PLXDC2: variants seen among roughly 807,000 people sequenced by gnomAD.
The protein encoded by PLXDC2 is plexin domain containing 2.
A neutral mutation model predicts 68.9 loss-of-function variants in PLXDC2; 40 were observed. That is an observed-to-expected ratio of 0.58 (90% confidence interval 0.45 to 0.76). The LOEUF is 0.76. Ranked by LOEUF, PLXDC2 falls within the 30% of genes least tolerant of loss-of-function variation. PLXDC2 has a pLI of 0.00. For missense variants in PLXDC2, 644 were observed against 661.9 expected, an observed-to-expected ratio of 0.97 and a Z score of 0.30; for synonymous variants, 243 against 234.2, an observed-to-expected ratio of 1.04 and a Z score of -0.34.
At chr10:19,955,384 C>G (rs1834053333) in intron 1 of PLXDC2, among the ~76,000 whole-genome samples, 2 of 151,710 alleles carry the variant, frequency 1.3e-5, no homozygotes, top group Admixed American at 6.6e-5. Flanking sequence ...AAAATGACAT[C>G]CCCCAACCCA....
chr10:20,065,701 G>T (rs988587282), intron 3 of PLXDC2, among the ~76,000 whole-genome samples: 3 of 152,192 alleles, frequency 2.0e-5, no homozygotes, highest in African/African-American at 7.2e-5. Context: ...TCAGGAATCA[G>T]ATCTCATAAG....
chr10:19,842,623 C>G (rs1045319645), intron 1 of PLXDC2, among the ~76,000 whole-genome samples: 7 of 152,172 alleles, frequency 4.6e-5, no homozygotes, highest in Non-Finnish European at 1.0e-4. Context: ...CTGACTTCAA[C>G]TCATAGGCCA....
chr10:19,832,796 G>A (rs1273775169), intron 1 of PLXDC2, among the ~76,000 whole-genome samples: 3 of 152,222 alleles, frequency 2.0e-5, no homozygotes, highest in Non-Finnish European at 4.4e-5. Context: ...GTCCCGCGGA[G>A]GTGTGTGTGG....
chr10:20,197,946 T>C lies in PLXDC2; in HGVS notation c.1062-13723T>C, dbSNP rs1834864120. Among the ~76,000 whole-genome samples, 3 of 152,228 alleles carry C rather than the reference T, an allele frequency of 2.0e-5. No homozygotes were observed. In the South Asian group the frequency reaches 6.2e-4, roughly 31 times the overall value. On this transcript the variant is annotated intron_variant, in intron 9 of 13. Transcript: ENST00000377252. ...ATTTTCCTAATAATATTGGAAAAAC[T>C]AGCCTGATCTTAAATGTTAATAGCT...
intron 1 of PLXDC2, among the ~76,000 whole-genome samples, chr10:19,914,587 G>C (rs11011669): frequency 0.11 from 16,944 of 152,162 alleles, 1,330 homozygotes; most frequent in East Asian, 0.28. Context: ...AGCATTTATA[G>C]CATAGTAAAG....
chr10:20,237,676 C>G (rs1835452086), intron 12 of PLXDC2, among the ~76,000 whole-genome samples: 1 of 152,172 alleles, frequency 6.6e-6, no homozygotes, highest in African/African-American at 2.4e-5. Flanking sequence ...AAGTGGAACA[C>G]TAACATTTTC....
chr10:19,919,218 C>T (rs1001407143), intron 1 of PLXDC2, among the ~76,000 whole-genome samples: 2 of 152,206 alleles, frequency 1.3e-5, no homozygotes, highest in African/African-American at 4.8e-5. Flanking sequence ...TACAGTATGT[C>T]ATATTCTTAT....
intron 4 of PLXDC2, among the ~76,000 whole-genome samples, chr10:20,114,320 G>A (rs1833595663): frequency 6.6e-6 from 1 of 152,154 alleles, no homozygotes. Context: ...TCCGGAGAAG[G>A]CTTTTCTCTC....
intron 7 of PLXDC2, 98 bp downstream of exon 7, chr10:20,164,665 T>C: frequency 2.3e-6 from 2 of 868,132 alleles, no homozygotes; most frequent in Non-Finnish European, 3.8e-6. Flanking sequence ...AAAAAAAAAA[T>C]AGCTAATCGA....
chr10:20,272,691 G>C (rs117342395), intron 13 of PLXDC2, among the ~76,000 whole-genome samples: 4,603 of 152,230 alleles, frequency 0.03, 102 homozygotes, highest in Middle Eastern at 0.054. Context: ...AATAAAATTG[G>C]CTTGTTATTA....
At chr10:19,945,161 G>T (rs2131401398) in intron 1 of PLXDC2, among the ~76,000 whole-genome samples, 1 of 152,292 alleles carries the variant, frequency 6.6e-6, no homozygotes, top group East Asian at 1.9e-4. Context: ...TAAAGAGTCA[G>T]CTTTATGCCA....
At chr10:19,905,740 C>A (rs1364739161) in intron 1 of PLXDC2, among the ~76,000 whole-genome samples, 1 of 152,128 alleles carries the variant, frequency 6.6e-6, no homozygotes, top group Non-Finnish European at 1.5e-5. Flanking sequence ...GCAAAAGGTA[C>A]CCTGAAGTTA....
intron 4 of PLXDC2, among the ~76,000 whole-genome samples, chr10:20,098,058 A>C (rs1833374633): frequency 6.6e-6 from 1 of 151,822 alleles, no homozygotes; most frequent in Non-Finnish European, 1.5e-5. Context: ...CTCTCCTATC[A>C]GTTTTATTGT....
In PLXDC2 at chr10:19,915,148, C is replaced by A. The variant is rs145533811; in HGVS notation, c.113-86627C>A. On this transcript the variant is annotated intron_variant, in intron 1 of 13. Coordinates refer to ENST00000377252, the MANE Select transcript of PLXDC2 (RefSeq NM_032812.9). ...ATTGGTAATTTGTTAAGGCTCAACT[C>A]TGCCATTTTAATATTTGTTTTCTGT... Among the ~76,000 whole-genome samples the A allele has an allele frequency of 4.7e-3, 720 of 152,180 alleles. 3 individuals carry two copies. The highest frequency in any genetic ancestry group is 6.5e-3 in the Admixed American group (100 of 15,276).
chr10:20,276,234 A>C (rs1418828573), intron 13 of PLXDC2, among the ~76,000 whole-genome samples: 2 of 152,156 alleles, frequency 1.3e-5, no homozygotes, highest in Non-Finnish European at 2.9e-5. Flanking sequence ...TCAAGGGCTC[A>C]TCTAACCCAA....
At chr10:20,182,760 T>A (rs1834624415) in intron 9 of PLXDC2, among the ~76,000 whole-genome samples, 1 of 151,968 alleles carries the variant, frequency 6.6e-6, no homozygotes, top group Non-Finnish European at 1.5e-5. Flanking sequence ...ACATGTGCCA[T>A]GGTGGTTTGC....
intron 1 of PLXDC2, among the ~76,000 whole-genome samples, chr10:19,887,029 A>T (rs1482049650): frequency 1.3e-5 from 2 of 152,224 alleles, no homozygotes; most frequent in Non-Finnish European, 2.9e-5. Flanking sequence ...TTTTGACTTC[A>T]TAGCTCCCCT....
At chr10:20,074,493 T>C (rs909612059) in intron 4 of PLXDC2, among the ~76,000 whole-genome samples, 22 of 152,224 alleles carry the variant, frequency 1.4e-4, no homozygotes, top group African/African-American at 4.6e-4. Flanking sequence ...GTTTCCTATA[T>C]CTGGCCAATA....
intron 4 of PLXDC2, among the ~76,000 whole-genome samples, chr10:20,074,940 G>T (rs1271985784): frequency 6.6e-6 from 1 of 152,114 alleles, no homozygotes; most frequent in Non-Finnish European, 1.5e-5. Context: ...ATACTAAAGA[G>T]ATAGATGCTG....
Sources: gnomAD v4.1 joint callset for allele counts (sites outside exome capture counted in the v4.1 genomes callset) on GRCh38, gnomAD v4.1.1 for gene constraint, MANE v1.5 for transcripts, NCBI Gene and HGNC (gene_info 2026-07-23, HGNC 2026-07-21) for gene names.